Variants in SERPINB1 observed in about 807,000 individuals in gnomAD.
The protein encoded by SERPINB1 is serpin family B member 1, also known as leukocyte elastase inhibitor.
SERPINB1 carries 23 observed loss-of-function variants against 25.9 expected under a neutral mutation model. That is an observed-to-expected ratio of 0.89 (90% CI 0.64 to 1.26). The LOEUF is 1.26. SERPINB1 is among the 50% of genes most tolerant of loss of function. SERPINB1 has a pLI of 0.00. For synonymous variants in SERPINB1, 178 were observed against 178.7 expected (o/e 1.00, Z 0.03); for missense variants, 399 against 463.6 (o/e 0.86, Z 1.28).
chr6:2,840,598 C>A lies in SERPINB1; in HGVS notation c.-8-4G>T. 1 of 1,606,460 alleles carries A rather than the reference C, an allele frequency of 6.2e-7. No individual in the cohort carries two copies. Among genetic ancestry groups the A allele is most frequent in the South Asian group, 1.1e-5 (1 of 90,336 alleles). On this transcript the variant is annotated splice_polypyrimidine_tract_variant and splice_region_variant and intron_variant, in intron 1 of 6. Coordinates refer to ENST00000380739, the MANE Select transcript of SERPINB1 (RefSeq NM_030666.4). ...CTCAGCTGCTCCATGGTGAAAACTG[C>A]AACACAGAACAGGGTCCTCATGGTG...
intron 6 of SERPINB1, among the ~76,000 whole-genome samples, chr6:2,835,333 T>G (rs772301361): frequency 5.3e-5 from 8 of 152,222 alleles, no homozygotes; most frequent in Non-Finnish European, 1.0e-4. Flanking sequence ...TAATAGAATT[T>G]TATAGTACGT....
In SERPINB1 at chr6:2,838,701, A is replaced by G. The variant is rs1330326073; in HGVS notation, c.169-15T>C. The stretch of plus-strand genomic sequence containing the variant: ...AAATGGAAAGTCTAAAATAAAGAAA[A>G]TCTTCTTTCTACAACCATTTATTTT... On this transcript the variant is annotated splice_polypyrimidine_tract_variant and intron_variant, in intron 2 of 6. Coordinates refer to ENST00000380739, the MANE Select transcript of SERPINB1 (RefSeq NM_030666.4). The G allele has an allele frequency of 1.3e-6, 2 of 1,541,664 alleles. No individual in the cohort carries two copies. Among genetic ancestry groups the G allele is most frequent in the Admixed American group, 2.1e-5 (1 of 46,922 alleles).
chr6:2,838,397 TTTGCCTTCCATATTGTTTTTGCCATG>T (rs1766554778), intron 3 of SERPINB1, 126 bp downstream of exon 3: 2 of 628,476 alleles, frequency 3.2e-6, no homozygotes, highest in African/African-American at 4.1e-5. Flanking sequence ...TTCTGTCGTG[TTTGCCTTCCATATTGTTTTTGCCATG>T]TTTGCCTTCT....
At chr6:2,839,333 A>G (rs892450140) in intron 2 of SERPINB1, 2 of 985,206 alleles carry the variant, frequency 2.0e-6, no homozygotes, top group East Asian at 1.1e-4. Context: ...CACATTACTC[A>G]CCGAGATATG....
chr6:2,839,960 C>T (rs950067086), intron 2 of SERPINB1, among the ~76,000 whole-genome samples: 3 of 152,258 alleles, frequency 2.0e-5, no homozygotes. Context: ...AAAGCAATGC[C>T]ACTATCTCCA....
At chr6:2,839,350 T>G in intron 2 of SERPINB1, 2 of 985,068 alleles carry the variant, frequency 2.0e-6, no homozygotes, top group Middle Eastern at 5.2e-4. Context: ...TATGGAATGT[T>G]TGCACTGTGC....
At chr6:2,835,708 A>T in intron 6 of SERPINB1, 148 bp downstream of exon 6, 3 of 825,726 alleles carry the variant, frequency 3.6e-6, no homozygotes, top group Non-Finnish European at 5.5e-6. Flanking sequence ...TCTGGGCTTT[A>T]GTGTAGTAAG....
At chr6:2,834,072 A>G in intron 6 of SERPINB1, 60 bp from the exon 7 acceptor site, 1 of 1,457,466 alleles carries the variant, frequency 6.9e-7, no homozygotes, top group South Asian at 1.3e-5. Context: ...GTAAGGCAAT[A>G]AAGTATTATT....
Position 2,840,425 on chromosome 6 carries a change from C to G in SERPINB1, c.162G>C (p.Leu54=). ...LGTRGNTAAQ[L]SKTFHFNTVE... is the part of the protein sequence containing the mutation. Reference sequence around the variant, plus strand: ...TTTTTTTGTTTCTGCTGACCTTGGACAGCTGTGCTGCCGTGTTACCTCTGG... The same window carrying G: ...TTTTTTTGTTTCTGCTGACCTTGGAGAGCTGTGCTGCCGTGTTACCTCTGG... The change falls in exon 2 of 7, where the codon CTG becomes CTC. Residue 54 remains leucine (L), a synonymous_variant. Transcript: ENST00000380739. 1.2e-6 allele frequency: 2 copies of G among 1,613,954 alleles called. No individual in the cohort carries two copies. Among genetic ancestry groups the G allele is most frequent in the Admixed American group, 3.3e-5 (2 of 59,984 alleles).
chr6:2,840,139 G>A (rs1252358701), intron 2 of SERPINB1, among the ~76,000 whole-genome samples: 1 of 152,078 alleles, frequency 6.6e-6, no homozygotes, highest in Non-Finnish European at 1.5e-5. Context: ...TTCATCCACT[G>A]GAACAGAAGC....
In SERPINB1 at chr6:2,840,563, G is replaced by A. The variant is rs765674921; in HGVS notation, c.24C>T (p.Asn8=). 61 of 1,613,780 alleles carry A rather than the reference G, an allele frequency of 3.8e-5. No homozygotes were observed. Among genetic ancestry groups the A allele is most frequent in the Non-Finnish European group, 4.9e-5 (58 of 1,179,970 alleles). Residue 8 remains asparagine, a synonymous_variant, in exon 2 of 7, where the codon AAC becomes AAT. Coordinates refer to ENST00000380739, the MANE Select transcript of SERPINB1 (RefSeq NM_030666.4). MEQLSSA[N]TRFALDLFLA... ...GGAACAGGTCCAAGGCGAAGCGGGT[G>A]TTTGCTGAGCTCAGCTGCTCCATGG... is the stretch of plus-strand genomic sequence containing the variant.
rs965604933 is a variant in SERPINB1 at position 2,836,143 on chromosome 6, C to T, written c.532G>A (p.Glu178Lys). ...KGNWKDKFMK[E>K]ATTNAPFRLN... The stretch of plus-strand genomic sequence containing the variant: ...CTGAATGGTGCATTCGTCGTGGCTT[C>T]TTTCATGAATTTATCCTTCCAGTTT... Residue 178 changes from glutamate (E) to lysine (K), a missense_variant, in exon 5 of 7, where the codon GAA becomes AAA. Physicochemically the swap from Glu to Lys is moderately conservative, Grantham distance 56 (BLOSUM62 1). Coordinates refer to ENST00000380739, the MANE Select transcript of SERPINB1 (RefSeq NM_030666.4). 6.2e-7 allele frequency: 1 copy of T among 1,614,096 alleles called. No individual in the cohort carries two copies. The highest frequency in any genetic ancestry group is 8.5e-7 in the Non-Finnish European group (1 of 1,180,026).
rs1354935875 is a variant in SERPINB1 at position 2,832,747 on chromosome 6, C to G, written c.*861G>C. The G allele has an allele frequency of 6.7e-6, 1 of 149,646 alleles. No individual in the cohort carries two copies. Among genetic ancestry groups the G allele is most frequent in the South Asian group, 2.1e-4 (1 of 4,740 alleles). The allele number at this position is 149,646 out of a possible 1,614,324, so 9.3% of individuals were successfully genotyped here. On this transcript the variant is annotated 3_prime_UTR_variant, in exon 7 of 7. Transcript: ENST00000380739. ...ACTTGAACCCAGGAGGCAGAGGTTGCGGTGAGCTGAGATCGTGCCACTGCA... is the reference window on the plus strand; with the variant it reads ...ACTTGAACCCAGGAGGCAGAGGTTGGGGTGAGCTGAGATCGTGCCACTGCA...
chr6:2,835,562 C>G (rs2113533600), intron 6 of SERPINB1, among the ~76,000 whole-genome samples: 1 of 152,240 alleles, frequency 6.6e-6, no homozygotes, highest in South Asian at 2.1e-4. Flanking sequence ...GTTAGCCGGG[C>G]ACAGTGGCTC....
At chr6:2,834,090 T>C (rs1766418446) in intron 6 of SERPINB1, 78 bp from the exon 7 acceptor site, 10 of 1,307,040 alleles carry the variant, frequency 7.7e-6, no homozygotes, top group African/African-American at 3.0e-5. Context: ...ATTGAATCAA[T>C]GGACCCATAA....
In SERPINB1 at chr6:2,840,590, G is replaced by A. The variant is rs761938702; in HGVS notation, c.-4C>T. The A allele has an allele frequency of 8.1e-6, 13 of 1,610,454 alleles. No homozygotes were observed. Among genetic ancestry groups the A allele is most frequent in the African/African-American group, 4.0e-5 (3 of 74,748 alleles). ...TTGCTGAGCTCAGCTGCTCCATGGT[G>A]AAAACTGCAACACAGAACAGGGTCC... On this transcript the variant is annotated 5_prime_UTR_variant, in exon 2 of 7. Transcript: ENST00000380739.
At position 2,835,910 on chromosome 6, in the gene SERPINB1, G is replaced by C. The variant is rs374753274; in HGVS notation, c.681C>G (p.Ser227Arg). 121 of 1,614,068 alleles carry C rather than the reference G, an allele frequency of 7.5e-5. No individual in the cohort carries two copies. The highest frequency in any genetic ancestry group is 9.3e-5 in the Non-Finnish European group (110 of 1,180,050). ...TGTCATCCGGCAGCAGGATGACCAT[G>C]CTGAGCTCCTCGCCTTGGTAAGGCA... is the stretch of plus-strand genomic sequence containing the variant. ...LELPYQGEELSMVILLPDDIE... is the reference protein window; with the variant it reads ...LELPYQGEELRMVILLPDDIE... Residue 227 changes from serine to arginine, a missense_variant, in exon 6 of 7, where the codon AGC becomes AGG. Coordinates refer to ENST00000380739, the MANE Select transcript of SERPINB1 (RefSeq NM_030666.4).
chr6:2,835,838 G>GA lies in SERPINB1; in HGVS notation c.735+17dup, dbSNP rs1307885792. ...ACATGCAAGAGGAACCACAAAGCAT[G>GA]AAGCCCAGGAGCCATACCTTCTTCA... is the stretch of plus-strand genomic sequence containing the variant. On this transcript the variant is annotated intron_variant, in intron 6 of 6. Transcript: ENST00000380739. 6.3e-7 allele frequency: 1 copy of GA among 1,599,278 alleles called. No individual in the cohort carries two copies. The highest frequency in any genetic ancestry group is 8.5e-7 in the Non-Finnish European group (1 of 1,172,336).
chr6:2,838,806 C>G, intron 2 of SERPINB1, 120 bp from the exon 3 acceptor site: 1 of 779,686 alleles, frequency 1.3e-6, no homozygotes, highest in Non-Finnish European at 1.8e-6. Flanking sequence ...TTGATGATCC[C>G]AAACCCAATA....
Sources: allele counts gnomAD v4.1 joint callset (sites outside exome capture counted in the v4.1 genomes callset), GRCh38; gene constraint gnomAD v4.1.1; transcripts MANE v1.5; gene names NCBI Gene and HGNC (gene_info 2026-07-23, HGNC 2026-07-21).